The following NOD1 variants were observed in gnomAD, a reference collection of about 807,000 sequenced individuals.
NOD1 encodes nucleotide binding oligomerization domain containing 1.
A neutral mutation model predicts 81.2 loss-of-function variants in NOD1; 70 were observed. That is an observed-to-expected ratio of 0.86 (90% CI 0.71 to 1.05). NOD1 has a LOEUF of 1.05. Among genes scored for constraint, NOD1 ranks in the 50% least tolerant of loss-of-function variants. The pLI is 0.00. For synonymous variants in NOD1, 508 were observed against 526.9 expected, an observed-to-expected ratio of 0.96 and a Z score of 0.49; for missense variants, 1,233 against 1,228.0, an observed-to-expected ratio of 1.00 and a Z score of -0.06.
At chr7:30,450,327 C>T (rs556301259) in intron 6 of NOD1, among the ~76,000 whole-genome samples, 3 of 152,270 alleles carry the variant, frequency 2.0e-5, no homozygotes, top group South Asian at 4.1e-4. Flanking sequence ...GGGCAGCCTT[C>T]GACCCCCTGC....
At chr7:30,439,149 C>T (rs747341569) in intron 9 of NOD1, among the ~76,000 whole-genome samples, 4 of 152,176 alleles carry the variant, frequency 2.6e-5, no homozygotes, top group Non-Finnish European at 5.9e-5. Flanking sequence ...AATGGTGCTG[C>T]TGCCGTGGAA....
At chr7:30,435,009 G>A (rs887950033) in intron 11 of NOD1, among the ~76,000 whole-genome samples, 8 of 151,880 alleles carry the variant, frequency 5.3e-5, no homozygotes, top group Non-Finnish European at 5.9e-5. Flanking sequence ...GGCCTCAAGC[G>A]ATCCTCCCAC....
chr7:30,446,126 T>C lies in NOD1; in HGVS notation c.2453+15A>G, dbSNP rs748863222. ...CAGCAGGTTGTACCACATACATCCA[T>C]CCCCTTCTACTCACCCAACCTCAGA... On this transcript the variant is annotated intron_variant, in intron 9 of 13. Transcript: ENST00000222823. 2.5e-6 allele frequency: 4 copies of C among 1,584,694 alleles called. No individual in the cohort carries two copies. The highest frequency in any genetic ancestry group is 3.5e-6 in the Non-Finnish European group (4 of 1,155,358).
chr7:30,435,888 G>T, intron 11 of NOD1, 110 bp downstream of exon 11: 1 of 854,328 alleles, frequency 1.2e-6, no homozygotes, highest in Non-Finnish European at 1.9e-6. Flanking sequence ...AGCCTGGGAG[G>T]TGGAGGCTGC....
At chr7:30,456,681 G>A in intron 4 of NOD1, 40 bp downstream of exon 4, 1 of 1,560,646 alleles carries the variant, frequency 6.4e-7, no homozygotes, top group South Asian at 1.1e-5. Flanking sequence ...TAGCTCCCGG[G>A]GTCCACACAA....
intron 12 of NOD1, 89 bp downstream of exon 12, chr7:30,433,007 G>A: frequency 2.0e-6 from 2 of 988,406 alleles, no homozygotes; most frequent in Non-Finnish European, 3.1e-6. Context: ...TATACTTTAA[G>A]AGAGTGAATT....
In NOD1 at chr7:30,447,210, G is replaced by A. The variant is rs1562672730; in HGVS notation, c.2286-160C>T. On this transcript the variant is annotated intron_variant, in intron 7 of 13. Transcript: ENST00000222823. ...AGGGCTCTGAGGTCTCACAGCTCAGGTTCAAAACCAGCTCCACTACTTTCC... is the reference window on the plus strand; with the variant it reads ...AGGGCTCTGAGGTCTCACAGCTCAGATTCAAAACCAGCTCCACTACTTTCC... The A allele has an allele frequency of 3.4e-6, 4 of 1,188,574 alleles. No homozygotes were observed. In the East Asian group the frequency reaches 7.7e-5, roughly 23 times the overall value. 73.6% of individuals were successfully genotyped at this position (1,188,574 alleles called of 1,614,324 possible).
At chr7:30,437,536 C>G in intron 10 of NOD1, 37 bp downstream of exon 10, 1 of 1,376,792 alleles carries the variant, frequency 7.3e-7, no homozygotes, top group Non-Finnish European at 9.7e-7. Context: ...CTGGGAGGGA[C>G]CAGGTTGGCC....
intron 3 of NOD1, among the ~76,000 whole-genome samples, chr7:30,457,303 AT>A (rs1317623772): frequency 1.3e-5 from 2 of 152,246 alleles, no homozygotes; most frequent in East Asian, 3.9e-4. Context: ...AATAAAAAAA[AT>A]TAGCCAGGCA....
At chr7:30,445,123 AG>A (rs1198633561) in intron 9 of NOD1, among the ~76,000 whole-genome samples, 3 of 63,852 alleles carry the variant, frequency 4.7e-5, no homozygotes, top group African/African-American at 2.4e-4. Flanking sequence ...GGGTCGGGGG[AG>A]GGGGGAGGGA....
intron 1 of NOD1, among the ~76,000 whole-genome samples, chr7:30,472,553 C>T (rs1788381607): frequency 6.6e-6 from 1 of 152,240 alleles, no homozygotes; most frequent in African/African-American, 2.4e-5. Context: ...TACTTATGGA[C>T]TGATGTTTAT....
At chr7:30,436,128 T>C in intron 10 of NOD1, 47 bp from the exon 11 acceptor site, 1 of 1,443,422 alleles carries the variant, frequency 6.9e-7, no homozygotes, top group Non-Finnish European at 9.7e-7. Context: ...CACATCTACA[T>C]TCAATCTTAG....
chr7:30,476,248 T>C (rs937904370), intron 1 of NOD1, among the ~76,000 whole-genome samples: 1 of 152,238 alleles, frequency 6.6e-6, no homozygotes, highest in African/African-American at 2.4e-5. Context: ...TGTAAGCAAA[T>C]ATCAGTGATC....
chr7:30,450,198 A>AG (rs1213928700), intron 6 of NOD1, among the ~76,000 whole-genome samples: 1 of 151,618 alleles, frequency 6.6e-6, no homozygotes, highest in Non-Finnish European at 1.5e-5. Context: ...CATTTGGGGG[A>AG]GAAAAAAAAA....
At chr7:30,435,895 C>G (rs1784338791) in intron 11 of NOD1, 103 bp downstream of exon 11, 2 of 916,104 alleles carry the variant, frequency 2.2e-6, no homozygotes, top group African/African-American at 3.3e-5. Context: ...GAGGTGGAGG[C>G]TGCAGTGAGC....
intron 5 of NOD1, among the ~76,000 whole-genome samples, chr7:30,453,895 A>G (rs919977837): frequency 6.6e-6 from 1 of 152,238 alleles, no homozygotes; most frequent in Non-Finnish European, 1.5e-5. Context: ...AGAATCATAC[A>G]ATATGTAGTC....
chr7:30,427,556 G>A (rs2127984090), intron 13 of NOD1, among the ~76,000 whole-genome samples: 1 of 152,280 alleles, frequency 6.6e-6, no homozygotes, highest in Middle Eastern at 3.4e-3. Flanking sequence ...AGCATGCTCT[G>A]GAGGCTCCCA....
In NOD1 at chr7:30,452,413, CCTGTGCGGG is replaced by C; in HGVS notation, c.995_1003del (p.Ala332_Thr334del). ...CAGGAACTGGCGCGGGACCTCGATG[CCTGTGCGGG>C]CTGTGAGCAGCTTGCTAGCCCCCTT... is the stretch of plus-strand genomic sequence containing the variant. On this transcript the variant is annotated inframe_deletion, in exon 6 of 14. Coordinates refer to ENST00000222823, the MANE Select transcript of NOD1 (RefSeq NM_006092.4). 1 of 1,613,340 alleles carries C rather than the reference CCTGTGCGGG, an allele frequency of 6.2e-7. No homozygotes were observed. The highest frequency in any genetic ancestry group is 8.5e-7 in the Non-Finnish European group (1 of 1,180,006).
chr7:30,451,900 G>T lies in NOD1; in HGVS notation c.1517C>A (p.Pro506His). 1 of 1,613,590 alleles carries T rather than the reference G, an allele frequency of 6.2e-7. No individual in the cohort carries two copies. ...GFLRALPELGPGGDQQSYEFF... is the reference protein window; with the variant it reads ...GFLRALPELGHGGDQQSYEFF... ...CTCATAGGACTGCTGGTCACCCCCG[G>T]GGCCCAGCTCCGGCAAAGCCCGCAG... The change falls in exon 6 of 14, where the codon CCC becomes CAC. Residue 506 changes from proline (P) to histidine (H), a missense_variant. Transcript: ENST00000222823. The surrounding 1 kb of genome is among the most constrained non-coding windows in gnomAD (Gnocchi z 4.2).
Sources: allele counts gnomAD v4.1 joint callset (sites outside exome capture counted in the v4.1 genomes callset), GRCh38; gene constraint gnomAD v4.1.1; non-coding constraint Gnocchi (gnomAD v3.1); transcripts MANE v1.5; gene names NCBI Gene and HGNC (gene_info 2026-07-23, HGNC 2026-07-21).